Variants in FSD1L observed in about 807,000 individuals in gnomAD.
The protein encoded by FSD1L is fibronectin type III and SPRY domain containing 1 like.
A neutral mutation model predicts 71.6 loss-of-function variants in FSD1L; 45 were observed. The ratio of observed to expected loss-of-function variants is 0.63; its 90% CI spans 0.49 to 0.81. The LOEUF (loss-of-function observed/expected upper bound fraction) is 0.81. Among genes scored for constraint, FSD1L ranks in the 30% least tolerant of loss-of-function variants. The pLI is 0.00. For synonymous variants in FSD1L, 197 were observed against 207.2 expected (o/e 0.95, Z 0.42); for missense variants, 561 against 618.1 (o/e 0.91, Z 0.98).
intron 13 of FSD1L, among the ~76,000 whole-genome samples, chr9:105,543,293 A>T (rs1318827935): frequency 6.6e-6 from 1 of 152,138 alleles, no homozygotes; most frequent in Non-Finnish European, 1.5e-5. Flanking sequence ...TCTACTATTA[A>T]TATATACGGT....
At chr9:105,521,811 A>C in intron 10 of FSD1L, 7 of 1,612,574 alleles carry the variant, frequency 4.3e-6, no homozygotes, top group Non-Finnish European at 5.9e-6. Flanking sequence ...AGAACAAAAC[A>C]TACGAGCTGG....
At chr9:105,522,149 C>T in intron 10 of FSD1L, 1 of 1,613,924 alleles carries the variant, frequency 6.2e-7, no homozygotes, top group Non-Finnish European at 8.5e-7. Flanking sequence ...TCAAAGCAAA[C>T]CTAAATGTGT....
rs113787438 is a variant in FSD1L at position 105,525,798 on chromosome 9, C to A, written c.1026-8695C>A. 58 of 1,607,752 alleles carry A rather than the reference C, an allele frequency of 3.6e-5. No individual in the cohort carries two copies. The African/African-American group carries it at 5.2e-4, about 14-fold the overall frequency. Reference sequence around the variant, plus strand: ...TTGGTTTGGAGGTAAATCTTACAAACCATTGTGGTTTTATGGGAGGACTAC... The same window carrying A: ...TTGGTTTGGAGGTAAATCTTACAAAACATTGTGGTTTTATGGGAGGACTAC... On this transcript the variant is annotated intron_variant, in intron 10 of 13. Transcript: ENST00000481272.
chr9:105,464,653 C>T (rs889678389), intron 3 of FSD1L, among the ~76,000 whole-genome samples: 35 of 152,204 alleles, frequency 2.3e-4, no homozygotes, highest in African/African-American at 8.2e-4. Context: ...GCAAGTAAAA[C>T]GTTTCTTTTA....
chr9:105,535,781 A>G lies in FSD1L; in HGVS notation c.1378+463A>G, dbSNP rs572796141. On this transcript the variant is annotated intron_variant, in intron 12 of 13. Transcript: ENST00000481272. ...TACTGCGTAAACATACACACCTACT[A>G]TGTACCTACAAAAATTAAAAAAAAA... Among the ~76,000 whole-genome samples, 82 of 152,182 alleles carry G rather than the reference A, an allele frequency of 5.4e-4. 1 individual carries two copies. Among genetic ancestry groups the G allele is most frequent in the African/African-American group, 1.9e-3 (78 of 41,536 alleles).
intron 5 of FSD1L, chr9:105,472,375 T>C (rs918273081): frequency 5.3e-6 from 1 of 188,040 alleles, no homozygotes; most frequent in Non-Finnish European, 1.1e-5. Context: ...TGTAGATCCT[T>C]ACTTAAGGGA....
At chr9:105,533,350 T>C (rs955963232) in intron 10 of FSD1L, among the ~76,000 whole-genome samples, 4 of 150,150 alleles carry the variant, frequency 2.7e-5, no homozygotes, top group Non-Finnish European at 5.9e-5. Flanking sequence ...TCTATTTGAG[T>C]AGGAGAAATG....
In FSD1L at chr9:105,524,627, T is replaced by C. The variant is rs1021120924; in HGVS notation, c.1026-9866T>C. 2.2e-5 allele frequency: 35 copies of C among 1,613,844 alleles called. No homozygotes were observed. The Admixed American group carries it at 4.7e-4, about 22-fold the overall frequency. Reference sequence around the variant, plus strand: ...CCATGAGCCTCTCTGATTTGGCATCTGTAGATTATGATCCTTTTATGCATT... The same window carrying C: ...CCATGAGCCTCTCTGATTTGGCATCCGTAGATTATGATCCTTTTATGCATT... On this transcript the variant is annotated intron_variant, in intron 10 of 13. Transcript: ENST00000481272.
intron 4 of FSD1L, 78 bp downstream of exon 4, chr9:105,468,402 A>T (rs572984813): frequency 3.5e-6 from 4 of 1,138,306 alleles, no homozygotes; most frequent in Non-Finnish European, 4.8e-6. Flanking sequence ...AAAATTAATG[A>T]ATTTCTAAGT....
intron 7 of FSD1L, among the ~76,000 whole-genome samples, chr9:105,490,004 C>A (rs1479181974): frequency 5.3e-5 from 8 of 152,090 alleles, no homozygotes; most frequent in Admixed American, 3.9e-4. Context: ...ATTTATAGTC[C>A]TTTGGGTATA....
chr9:105,453,540 T>A (rs2131574899), intron 1 of FSD1L, among the ~76,000 whole-genome samples: 1 of 152,198 alleles, frequency 6.6e-6, no homozygotes, highest in Middle Eastern at 3.4e-3. Context: ...TCTGCATGTA[T>A]CTTTCCCCTT....
In FSD1L at chr9:105,506,602, C is replaced by G; in HGVS notation, c.790C>G (p.Leu264Val). The G allele has an allele frequency of 6.5e-7, 1 of 1,537,328 alleles. No homozygotes were observed. The highest frequency in any genetic ancestry group is 1.4e-5 in the African/African-American group (1 of 72,792). Residue 264 changes from leucine to valine, a missense_variant, in exon 8 of 14, where the codon CTA becomes GTA. Physicochemically the swap from Leu to Val is conservative, Grantham distance 32. This residue lies in a region of FSD1L where 410 missense variants were observed against 413.5 expected (regional missense o/e 0.99). Coordinates refer to ENST00000481272, the MANE Select transcript of FSD1L (RefSeq NM_001145313.3). ...IDNIKGTEYT[L>V]SGLKFDSKYM... ...TAATATTAAGGGTACTGAATATACA[C>G]TATCAGGTAACATGACTGCATTTTA...
At position 105,539,309 on chromosome 9, in the gene FSD1L, C is replaced by T; in HGVS notation, c.1425C>T (p.Ser475=). The change falls in exon 13 of 14, where the codon TCC becomes TCT. Residue 475 remains serine (S), a synonymous_variant. Coordinates refer to ENST00000481272, the MANE Select transcript of FSD1L (RefSeq NM_001145313.3). ...CAAATTCTAAACAGTTGCTATATTC[C>T]TTTAAGACAAAATTTACTCAGCCAG... ...YDANSKQLLY[S]FKTKFTQPVL... The T allele has an allele frequency of 6.6e-7, 1 of 1,508,540 alleles. No individual in the cohort carries two copies. Among genetic ancestry groups the T allele is most frequent in the Non-Finnish European group, 8.9e-7 (1 of 1,119,598 alleles). The allele number at this position is 1,508,540 out of a possible 1,614,324, so 93.4% of individuals were successfully genotyped here.
At chr9:105,482,994 C>T (rs958536873) in intron 6 of FSD1L, among the ~76,000 whole-genome samples, 4 of 152,034 alleles carry the variant, frequency 2.6e-5, no homozygotes, top group East Asian at 3.8e-4. Flanking sequence ...CAGATGTCCT[C>T]GAATCAAAAG....
intron 10 of FSD1L, among the ~76,000 whole-genome samples, chr9:105,533,968 C>A (rs979590434): frequency 6.6e-6 from 1 of 152,104 alleles, no homozygotes; most frequent in Admixed American, 6.6e-5. Flanking sequence ...GGTGATCCTC[C>A]TGCCTTGGCG....
intron 7 of FSD1L, among the ~76,000 whole-genome samples, chr9:105,503,691 ATATGT>A (rs1589031702): frequency 6.6e-6 from 1 of 152,170 alleles, no homozygotes. Context: ...AGTAATATTT[ATATGT>A]TATAAGTACA....
intron 7 of FSD1L, among the ~76,000 whole-genome samples, chr9:105,494,797 G>A (rs181124246): frequency 3.9e-5 from 6 of 152,230 alleles, no homozygotes; most frequent in African/African-American, 9.6e-5. Context: ...TACCAGCAGC[G>A]GTGGCTGCAG....
At chr9:105,446,295 A>G (rs1027104731), upstream of FSD1L, among the ~76,000 whole-genome samples, 1 of 152,170 alleles carries the variant, frequency 6.6e-6, no homozygotes, top group African/African-American at 2.4e-5. Flanking sequence ...TACTCAGGTC[A>G]TTTCCAAGAG....
At chr9:105,531,888 G>A (rs1426134845) in intron 10 of FSD1L, among the ~76,000 whole-genome samples, 4 of 152,072 alleles carry the variant, frequency 2.6e-5, no homozygotes, top group Admixed American at 6.6e-5. Flanking sequence ...TTTTACTTTC[G>A]CCCTCTTCCT....
Sources: gnomAD v4.1 joint callset for allele counts (sites outside exome capture counted in the v4.1 genomes callset) on GRCh38, gnomAD v4.1.1 for gene constraint, gnomAD v4.1.1 regional missense constraint, MANE v1.5 for transcripts, NCBI Gene and HGNC (gene_info 2026-07-23, HGNC 2026-07-21) for gene names.